Variants in GLDC observed in about 807,000 individuals in gnomAD.
The protein encoded by GLDC is glycine decarboxylase.
A neutral mutation model predicts 121.3 loss-of-function variants in GLDC; 104 were observed. The ratio of observed to expected loss-of-function variants is 0.86; its 90% CI spans 0.73 to 1.01. The LOEUF is 1.01. Among genes scored for constraint, GLDC ranks in the 50% least tolerant of loss-of-function variants. The pLI, the probability that GLDC is intolerant of heterozygous loss-of-function variation, is 0.00. For synonymous variants in GLDC, 546 were observed against 480.6 expected, an observed-to-expected ratio of 1.14 and a Z score of -1.78; for missense variants, 1,429 against 1,306.6, an observed-to-expected ratio of 1.09 and a Z score of -1.44.
At chr9:6,594,754 A>G (rs1037581381) in intron 9 of GLDC, among the ~76,000 whole-genome samples, 2 of 152,098 alleles carry the variant, frequency 1.3e-5, no homozygotes, top group African/African-American at 4.8e-5. Flanking sequence ...CAAGCAAGCA[A>G]GAAAGCAAGC....
At chr9:6,596,940 G>A (rs1430677214) in intron 8 of GLDC, among the ~76,000 whole-genome samples, 2 of 152,300 alleles carry the variant, frequency 1.3e-5, no homozygotes, top group South Asian at 4.1e-4. Flanking sequence ...TTACACAGAA[G>A]TGTTCACAGC....
rs56189352 is a variant in GLDC at position 6,549,809 on chromosome 9, G to C, written c.2569+994C>G. Among the ~76,000 whole-genome samples the C allele has an allele frequency of 5.7e-3, 873 of 152,104 alleles. 3 individuals carry two copies. The highest frequency in any genetic ancestry group is 0.02 in the African/African-American group (809 of 41,484). ...GTGTGAGCCACCACCCCAGCCCCTTGCTACCTCTAAGGCATGTTTCCCCCT... is the reference window on the plus strand; with the variant it reads ...GTGTGAGCCACCACCCCAGCCCCTTCCTACCTCTAAGGCATGTTTCCCCCT... On this transcript the variant is annotated intron_variant, in intron 21 of 24. Transcript: ENST00000321612.
intron 16 of GLDC, among the ~76,000 whole-genome samples, chr9:6,560,853 T>A (rs778521790): frequency 2.6e-5 from 4 of 152,154 alleles, no homozygotes; most frequent in Non-Finnish European, 5.9e-5. Flanking sequence ...AGAAAGATCT[T>A]GAGATGGAAA....
chr9:6,617,819 C>CA (rs1818994789), intron 3 of GLDC, among the ~76,000 whole-genome samples: 1 of 152,214 alleles, frequency 6.6e-6, no homozygotes, highest in Non-Finnish European at 1.5e-5. Flanking sequence ...AAGTGTTTAT[C>CA]AAATTGTTAA....
At chr9:6,581,144 G>A (rs1209880554) in intron 15 of GLDC, among the ~76,000 whole-genome samples, 1 of 152,204 alleles carries the variant, frequency 6.6e-6, no homozygotes, top group East Asian at 1.9e-4. Flanking sequence ...TTCAACAAAT[G>A]AAGAACAAGT....
chr9:6,583,357 T>G (rs1818207979), intron 15 of GLDC, among the ~76,000 whole-genome samples: 1 of 152,260 alleles, frequency 6.6e-6, no homozygotes, highest in East Asian at 1.9e-4. Flanking sequence ...ATGTGCTATA[T>G]ATATGCAATG....
chr9:6,588,499 C>CA, intron 13 of GLDC, 57 bp from the exon 14 acceptor site: 1 of 1,502,780 alleles, frequency 6.7e-7, no homozygotes, highest in Admixed American at 1.7e-5. Context: ...GTCCATCAAT[C>CA]AACCCTCCAT....
At chr9:6,636,649 G>A (rs1587983731) in intron 2 of GLDC, among the ~76,000 whole-genome samples, 1 of 152,016 alleles carries the variant, frequency 6.6e-6, no homozygotes, top group African/African-American at 2.4e-5. Flanking sequence ...GGTGGCATGC[G>A]CCTGTAGTCC....
intron 21 of GLDC, among the ~76,000 whole-genome samples, chr9:6,543,023 A>T (rs938017775): frequency 3.3e-5 from 5 of 151,744 alleles, no homozygotes; most frequent in African/African-American, 1.2e-4. Context: ...ATCAACTATT[A>T]ATACCAGGAC....
intron 2 of GLDC, among the ~76,000 whole-genome samples, chr9:6,622,159 GACACACACACAC>G (rs60752054): frequency 3.4e-5 from 5 of 145,328 alleles, no homozygotes; most frequent in African/African-American, 1.3e-4. Flanking sequence ...CACACACACA[GACACACACACAC>G]ACACACACAC....
chr9:6,622,415 TATTTTTTTGGTGGAGACGGGGTTTCCC>T (rs1819122883), intron 2 of GLDC, among the ~76,000 whole-genome samples: 1 of 149,630 alleles, frequency 6.7e-6, no homozygotes, highest in Non-Finnish European at 1.5e-5. Context: ...CTGGTTTTCG[TATTTTTTTGGTGGAGACGGGGTTTCCC>T]TGTGTTGGCC....
At chr9:6,559,495 A>ACAGAG (rs1817704871) in intron 16 of GLDC, among the ~76,000 whole-genome samples, 1 of 141,038 alleles carries the variant, frequency 7.1e-6, no homozygotes, top group African/African-American at 2.7e-5. Context: ...AGCCTGGGCG[A>ACAGAG]CAAGAGTGAA....
intron 17 of GLDC, among the ~76,000 whole-genome samples, chr9:6,557,159 T>G (rs1817650897): frequency 6.6e-6 from 1 of 152,212 alleles, no homozygotes; most frequent in Non-Finnish European, 1.5e-5. Flanking sequence ...AGGAGGATAT[T>G]GAACGTTCCC....
In GLDC at chr9:6,645,199, G is replaced by A. The variant is rs1276613640; in HGVS notation, c.255+46C>T. 7 of 1,527,466 alleles carry A rather than the reference G, an allele frequency of 4.6e-6. No individual in the cohort carries two copies. The African/African-American group carries it at 5.6e-5, about 12-fold the overall frequency. 94.6% of individuals were successfully genotyped at this position (1,527,466 alleles called of 1,614,324 possible). On this transcript the variant is annotated intron_variant, in intron 1 of 24. Transcript: ENST00000321612. ...CGGGAGGCCGCGCAGGCAGAGCCCGGGCAGGGCGGAGGGGAGGCCGCGGAG... is the reference window on the plus strand; with the variant it reads ...CGGGAGGCCGCGCAGGCAGAGCCCGAGCAGGGCGGAGGGGAGGCCGCGGAG...
intron 18 of GLDC, among the ~76,000 whole-genome samples, chr9:6,555,812 A>C (rs1016389207): frequency 1.3e-5 from 2 of 152,052 alleles, no homozygotes; most frequent in African/African-American, 4.8e-5. Flanking sequence ...GAAAGAAAGA[A>C]AAAGGAAAAA....
Position 6,606,690 on chromosome 9 carries a change from A to T in GLDC, c.636-21T>A, listed in dbSNP as rs78949122. The T allele has an allele frequency of 0.013, 18,214 of 1,408,400 alleles. 147 individuals are homozygous for T. Among genetic ancestry groups the T allele is most frequent in the Non-Finnish European group, 0.015 (15,341 of 993,598 alleles). The allele number at this position is 1,408,400 out of a possible 1,614,324, so 87.2% of individuals were successfully genotyped here. A position where few individuals can be genotyped will look rare whatever the true frequency, so the allele number is the denominator to read the frequency against. On this transcript the variant is annotated intron_variant, in intron 4 of 24. Coordinates refer to ENST00000321612, the MANE Select transcript of GLDC (RefSeq NM_000170.3). Reference sequence around the variant, plus strand: ...TGTGTCTGTTGAAAAGAAAAAGCACATTCCAACGTGAACATTAAATAAATA... The same window carrying T: ...TGTGTCTGTTGAAAAGAAAAAGCACTTTCCAACGTGAACATTAAATAAATA...
At chr9:6,587,806 A>G (rs1017711587) in intron 14 of GLDC, among the ~76,000 whole-genome samples, 3 of 152,256 alleles carry the variant, frequency 2.0e-5, no homozygotes, top group Admixed American at 2.0e-4. Context: ...TCTATTTTTT[A>G]AAAAAATAGA....
intron 15 of GLDC, among the ~76,000 whole-genome samples, chr9:6,577,690 T>C (rs546614320): frequency 4.6e-5 from 7 of 152,264 alleles, no homozygotes; most frequent in African/African-American, 1.7e-4. Flanking sequence ...TTTCCACCTA[T>C]GCCCCTGTGC....
chr9:6,602,682 G>T (rs1818641218), intron 7 of GLDC, among the ~76,000 whole-genome samples: 1 of 152,054 alleles, frequency 6.6e-6, no homozygotes, highest in Non-Finnish European at 1.5e-5. Context: ...TGTACTCTGA[G>T]ACACCAAGAT....
Sources: allele counts gnomAD v4.1 joint callset (sites outside exome capture counted in the v4.1 genomes callset), GRCh38; gene constraint gnomAD v4.1.1; transcripts MANE v1.5; gene names NCBI Gene and HGNC (gene_info 2026-07-23, HGNC 2026-07-21).